Variants in CPA6 observed in about 807,000 individuals in gnomAD.
The protein encoded by CPA6 is carboxypeptidase B.
CPA6 carries 58 observed loss-of-function variants against 63.3 expected under a neutral mutation model. That is an observed-to-expected ratio of 0.92 (90% CI 0.74 to 1.14). The LOEUF (loss-of-function observed/expected upper bound fraction) is 1.14. CPA6 is among the 50% of genes most tolerant of loss of function. CPA6 has a pLI of 0.00. For missense variants in CPA6, 565 were observed against 526.6 expected (o/e 1.07, Z -0.71); for synonymous variants, 185 against 179.0 (o/e 1.03, Z -0.27).
intron 8 of CPA6, among the ~76,000 whole-genome samples, chr8:67,477,019 G>T (rs189248458): frequency 6.6e-6 from 1 of 152,098 alleles, no homozygotes; most frequent in African/African-American, 2.4e-5. Context: ...GGCCAGTTGC[G>T]GTGGCTCACG....
At chr8:67,648,970 G>GC (rs1306296496) in intron 1 of CPA6, among the ~76,000 whole-genome samples, 2 of 151,750 alleles carry the variant, frequency 1.3e-5, no homozygotes, top group East Asian at 1.9e-4. Flanking sequence ...TTTGGGGAGG[G>GC]AATTTTTTTT....
chr8:67,480,863 G>T (rs1811343762), intron 8 of CPA6, among the ~76,000 whole-genome samples: 1 of 152,176 alleles, frequency 6.6e-6, no homozygotes, highest in South Asian at 2.1e-4. Context: ...CGTCTTAGTA[G>T]ATGTGAAGTG....
chr8:67,633,485 T>C (rs1388562714), intron 1 of CPA6, among the ~76,000 whole-genome samples: 1 of 152,088 alleles, frequency 6.6e-6, no homozygotes, highest in Non-Finnish European at 1.5e-5. Flanking sequence ...ATCGAGACCA[T>C]CATGGCTAAC....
intron 2 of CPA6, among the ~76,000 whole-genome samples, chr8:67,561,815 T>C (rs57094362): frequency 0.016 from 2,384 of 152,298 alleles, 65 homozygotes; most frequent in African/African-American, 0.053. Context: ...ATCTTACTTT[T>C]CAGTGGTCCA....
In CPA6 at chr8:67,723,613, CACTT is replaced by C. The variant is rs1466818390; in HGVS notation, c.116+22397_116+22400del. On this transcript the variant is annotated intron_variant, in intron 1 of 10. Transcript: ENST00000297770. ...TTTCTATCTATGGGAAAAATTAAAA[CACTT>C]AATTGTTTTAATTTGCATTTCCTTG... 3.9e-5 allele frequency among the ~76,000 whole-genome samples: 6 copies of C among 152,270 alleles called. No homozygotes were observed. The East Asian group carries it at 7.7e-4, about 20-fold the overall frequency.
intron 10 of CPA6, among the ~76,000 whole-genome samples, chr8:67,424,417 T>C (rs937929462): frequency 6.6e-6 from 1 of 152,142 alleles, no homozygotes; most frequent in Non-Finnish European, 1.5e-5. Flanking sequence ...CTACTGACAT[T>C]AGAGCCCTCT....
intron 1 of CPA6, among the ~76,000 whole-genome samples, chr8:67,631,476 G>A (rs1201615986): frequency 1.3e-5 from 2 of 152,096 alleles, no homozygotes; most frequent in African/African-American, 4.8e-5. Flanking sequence ...GTGGGGACTT[G>A]GAGAACTTTC....
intron 2 of CPA6, among the ~76,000 whole-genome samples, chr8:67,521,421 G>A (rs1198951947): frequency 6.6e-6 from 1 of 152,236 alleles, no homozygotes; most frequent in African/African-American, 2.4e-5. Flanking sequence ...CATGTGTACT[G>A]TGAAGATAAT....
At chr8:67,585,814 G>A (rs902168349) in intron 2 of CPA6, among the ~76,000 whole-genome samples, 2 of 152,152 alleles carry the variant, frequency 1.3e-5, no homozygotes, top group Non-Finnish European at 2.9e-5. Context: ...GACGAGGAGA[G>A]TGAGGCCATA....
At chr8:67,594,527 G>GGAC (rs1282741447) in intron 2 of CPA6, among the ~76,000 whole-genome samples, 49 of 152,296 alleles carry the variant, frequency 3.2e-4, no homozygotes, top group African/African-American at 1.1e-3. Flanking sequence ...ACAACAATCA[G>GGAC]GACGCAGATT....
At chr8:67,714,703 T>G (rs531183742) in intron 1 of CPA6, among the ~76,000 whole-genome samples, 2 of 152,118 alleles carry the variant, frequency 1.3e-5, no homozygotes, top group Non-Finnish European at 2.9e-5. Context: ...CAGGATTAAG[T>G]GCCTTCCTTA....
At chr8:67,690,282 A>T (rs563625796) in intron 1 of CPA6, among the ~76,000 whole-genome samples, 1 of 152,292 alleles carries the variant, frequency 6.6e-6, no homozygotes, top group African/African-American at 2.4e-5. Context: ...TTTAGAATCA[A>T]TTTTTGATAT....
chr8:67,568,951 A>G (rs1190736559), intron 2 of CPA6, among the ~76,000 whole-genome samples: 2 of 152,110 alleles, frequency 1.3e-5, no homozygotes, highest in Admixed American at 1.3e-4. Flanking sequence ...GGGTTTCACC[A>G]TGTTGGCCAG....
In CPA6 at chr8:67,547,998, T is replaced by G. The variant is rs186894424; in HGVS notation, c.193-29951A>C. ...TTGTATTATATATTCTATGTGATGC[T>G]CAGGAAAATCTTTAGCAATAGAGTT... On this transcript the variant is annotated intron_variant, in intron 2 of 10. Coordinates refer to ENST00000297770, the MANE Select transcript of CPA6 (RefSeq NM_020361.5). Among the ~76,000 whole-genome samples, 12 of 152,348 alleles carry G rather than the reference T, an allele frequency of 7.9e-5. No individual in the cohort carries two copies. The East Asian group carries it at 2.3e-3, about 29-fold the overall frequency.
intron 2 of CPA6, among the ~76,000 whole-genome samples, chr8:67,600,343 T>C (rs1458664565): frequency 6.6e-6 from 1 of 150,918 alleles, no homozygotes; most frequent in East Asian, 1.9e-4. Context: ...AGAATGGTAG[T>C]TACTAGGAGC....
chr8:67,532,077 AC>A (rs932947073), intron 2 of CPA6, among the ~76,000 whole-genome samples: 51 of 152,290 alleles, frequency 3.3e-4, no homozygotes, highest in African/African-American at 1.2e-3. Flanking sequence ...GTATGTCTAA[AC>A]CAAGAAATTA....
intron 1 of CPA6, among the ~76,000 whole-genome samples, chr8:67,643,008 C>T (rs1815630266): frequency 1.3e-5 from 2 of 151,880 alleles, no homozygotes; most frequent in African/African-American, 4.8e-5. Context: ...TCCATAAAGT[C>T]AAAAGGCAAG....
At chr8:67,696,798 C>T (rs1032095808) in intron 1 of CPA6, among the ~76,000 whole-genome samples, 1 of 152,084 alleles carries the variant, frequency 6.6e-6, no homozygotes, top group African/African-American at 2.4e-5. Context: ...AAAGGTAAAC[C>T]TGTTGTTAGA....
At chr8:67,562,621 GC>G (rs1309771209) in intron 2 of CPA6, among the ~76,000 whole-genome samples, 1 of 152,156 alleles carries the variant, frequency 6.6e-6, no homozygotes, top group Admixed American at 6.5e-5. Context: ...AGGAGGTGAC[GC>G]TTTTGGGAGG....
Sources: allele counts gnomAD v4.1 joint callset (sites outside exome capture counted in the v4.1 genomes callset), GRCh38; gene constraint gnomAD v4.1.1; transcripts MANE v1.5; gene names NCBI Gene and HGNC (gene_info 2026-07-23, HGNC 2026-07-21).